The following MTA3 variants were observed in gnomAD, a reference collection of about 807,000 sequenced individuals.
MTA3 encodes metastasis-associated protein MTA3.
In MTA3, 34 loss-of-function variants were observed where a neutral mutation model predicts 83.5. That is an observed-to-expected ratio of 0.41 (90% CI 0.31 to 0.54). MTA3 has a LOEUF of 0.54. Ranked by LOEUF, MTA3 falls within the 20% of genes least tolerant of loss-of-function variation. MTA3 has a pLI of 0.33. For synonymous variants in MTA3, 303 were observed against 252.7 expected (o/e 1.20, Z -1.89); for missense variants, 761 against 726.4 (o/e 1.05, Z -0.55).
chr2:42,681,622 C>T (rs1691920224), intron 8 of MTA3, among the ~76,000 whole-genome samples: 1 of 152,194 alleles, frequency 6.6e-6, no homozygotes, highest in African/African-American at 2.4e-5. Context: ...AAGCATTCCT[C>T]CCACCCCAGC....
At chr2:42,661,893 C>T (rs1233628736) in intron 8 of MTA3, among the ~76,000 whole-genome samples, 1 of 152,228 alleles carries the variant, frequency 6.6e-6, no homozygotes, top group Non-Finnish European at 1.5e-5. Context: ...GTTGAAGTCT[C>T]TAATATTCCC....
intron 2 of MTA3, among the ~76,000 whole-genome samples, chr2:42,575,352 C>T (rs1678925019): frequency 6.6e-6 from 1 of 152,166 alleles, no homozygotes. Context: ...GTTATGCATT[C>T]TGAGTGCCTT....
At chr2:42,652,767 T>C (rs543079354) in intron 6 of MTA3, among the ~76,000 whole-genome samples, 2 of 152,338 alleles carry the variant, frequency 1.3e-5, no homozygotes, top group African/African-American at 4.8e-5. Flanking sequence ...TGAATGTGAC[T>C]TTAAAAAATT....
At chr2:42,649,494 T>C (rs1189991556) in intron 6 of MTA3, among the ~76,000 whole-genome samples, 2 of 152,182 alleles carry the variant, frequency 1.3e-5, no homozygotes, top group African/African-American at 2.4e-5. Flanking sequence ...TTATATTGTA[T>C]GCACTTAAAA....
At chr2:42,650,809 A>C (rs563929030) in intron 6 of MTA3, among the ~76,000 whole-genome samples, 3 of 152,326 alleles carry the variant, frequency 2.0e-5, no homozygotes, top group African/African-American at 7.2e-5. Flanking sequence ...CAGTTGAGTT[A>C]ATCCTTTCCC....
At chr2:42,683,514 C>T (rs1225396777) in intron 9 of MTA3, among the ~76,000 whole-genome samples, 1 of 152,076 alleles carries the variant, frequency 6.6e-6, no homozygotes, top group East Asian at 1.9e-4. Flanking sequence ...GTTTATTGTG[C>T]ACTTCATTTC....
chr2:42,501,926 C>T (rs531247683), intron 2 of MTA3, among the ~76,000 whole-genome samples: 1 of 151,958 alleles, frequency 6.6e-6, no homozygotes, highest in Non-Finnish European at 1.5e-5. Context: ...TGAGGTGAGC[C>T]GAGATCGTGC....
At chr2:42,696,822 T>A (rs1018928136) in intron 10 of MTA3, among the ~76,000 whole-genome samples, 1 of 152,180 alleles carries the variant, frequency 6.6e-6, no homozygotes, top group African/African-American at 2.4e-5. Context: ...CATGGCTTGT[T>A]GAAAAATTTC....
intron 11 of MTA3, among the ~76,000 whole-genome samples, chr2:42,701,188 G>A (rs1296827985): frequency 6.7e-6 from 1 of 150,274 alleles, no homozygotes; most frequent in Non-Finnish European, 1.5e-5. Context: ...TGTAGTCCCA[G>A]CTACTCAGGA....
chr2:42,615,690 C>T (rs928829682), intron 4 of MTA3, among the ~76,000 whole-genome samples: 2 of 134,756 alleles, frequency 1.5e-5, no homozygotes, highest in Non-Finnish European at 3.1e-5. Context: ...TAAGTCACCA[C>T]AGATACTTGA....
intron 3 of MTA3, among the ~76,000 whole-genome samples, chr2:42,607,251 T>C (rs950818416): frequency 6.6e-6 from 1 of 152,196 alleles, no homozygotes; most frequent in East Asian, 1.9e-4. Flanking sequence ...AACTGTAGAG[T>C]AGAGCAAAGC....
At chr2:42,674,330 A>T (rs1000300048) in intron 8 of MTA3, among the ~76,000 whole-genome samples, 1 of 152,236 alleles carries the variant, frequency 6.6e-6, no homozygotes, top group African/African-American at 2.4e-5. Flanking sequence ...TTAACAAAAG[A>T]TGAGAATTCC....
At chr2:42,610,843 T>C (rs1331524383) in intron 4 of MTA3, among the ~76,000 whole-genome samples, 1 of 152,148 alleles carries the variant, frequency 6.6e-6, no homozygotes, top group Non-Finnish European at 1.5e-5. Context: ...GTGCAGTGTT[T>C]CACTCCTCTT....
At chr2:42,606,161 C>T (rs1683344455) in intron 3 of MTA3, among the ~76,000 whole-genome samples, 1 of 118,792 alleles carries the variant, frequency 8.4e-6, no homozygotes, top group African/African-American at 3.3e-5. Context: ...AGGCGCCCCT[C>T]ACCTCCCGGA....
At chr2:42,650,603 C>A (rs2104340579) in intron 6 of MTA3, among the ~76,000 whole-genome samples, 1 of 152,040 alleles carries the variant, frequency 6.6e-6, no homozygotes, top group Non-Finnish European at 1.5e-5. Context: ...CCAAGCCCGG[C>A]TAATTTTTTT....
chr2:42,602,986 C>T (rs1279236507), intron 3 of MTA3, among the ~76,000 whole-genome samples: 2 of 152,106 alleles, frequency 1.3e-5, no homozygotes, highest in Non-Finnish European at 2.9e-5. Flanking sequence ...TTTTATAGTA[C>T]TCACCAAATC....
intron 2 of MTA3, among the ~76,000 whole-genome samples, chr2:42,516,884 A>C (rs1675168724): frequency 6.6e-6 from 1 of 152,130 alleles, no homozygotes; most frequent in South Asian, 2.1e-4. Context: ...CAGCACTTTG[A>C]GAGGCCATGA....
At chr2:42,640,367 G>A (rs1687597280) in intron 5 of MTA3, 131 bp downstream of exon 5, 3 of 651,268 alleles carry the variant, frequency 4.6e-6, no homozygotes, top group Non-Finnish European at 7.4e-6. Context: ...TATAGTAAAA[G>A]TATAGTGACT....
At chr2:42,710,824 A>G (rs1237897893) in intron 14 of MTA3, among the ~76,000 whole-genome samples, 1 of 152,116 alleles carries the variant, frequency 6.6e-6, no homozygotes, top group Non-Finnish European at 1.5e-5. Flanking sequence ...TACGCCTGTA[A>G]TCCTAGCACT....
Sources: gnomAD v4.1 joint callset for allele counts (sites outside exome capture counted in the v4.1 genomes callset) on GRCh38, gnomAD v4.1.1 for gene constraint, MANE v1.5 for transcripts, NCBI Gene and HGNC (gene_info 2026-07-23, HGNC 2026-07-21) for gene names.